PCDH9: variants seen among roughly 807,000 people sequenced by gnomAD.
PCDH9 encodes the protein protocadherin 9, also known as protocadherin-9.
A neutral mutation model predicts 70.6 loss-of-function variants in PCDH9; 24 were observed. The observed-to-expected ratio is 0.34, with a 90% CI of 0.25 to 0.48. The LOEUF (loss-of-function observed/expected upper bound fraction) is 0.48, where lower values mean the gene tolerates loss of function less well. PCDH9 is among the 20% of genes least tolerant of loss of function. The pLI is 0.99. For synonymous variants in PCDH9, 562 were observed against 558.5 expected (o/e 1.01, Z -0.09); for missense variants, 1,281 against 1,503.6 (o/e 0.85, Z 2.45).
At chr13:67,085,724 A>C (rs938219893) in intron 2 of PCDH9, among the ~76,000 whole-genome samples, 2 of 152,208 alleles carry the variant, frequency 1.3e-5, no homozygotes, top group African/African-American at 4.8e-5. Flanking sequence ...GCAATATTCC[A>C]ACAAACAATT....
intron 2 of PCDH9, among the ~76,000 whole-genome samples, chr13:67,081,489 A>G (rs2085982373): frequency 6.6e-6 from 1 of 152,086 alleles, no homozygotes; most frequent in African/African-American, 2.4e-5. Context: ...AATTGTTTGA[A>G]CCCAGGAGGC....
chr13:66,426,575 A>G lies in PCDH9; in HGVS notation c.3341-121547T>C, dbSNP rs562249918. On this transcript the variant is annotated intron_variant, in intron 4 of 4. Coordinates refer to ENST00000377865, the MANE Select transcript of PCDH9 (RefSeq NM_203487.3). The stretch of plus-strand genomic sequence containing the variant: ...TTCATATGTTAAGGTCTTATTATTC[A>G]CATAAAATATGTGGACACTAATATA... Among the ~76,000 whole-genome samples, 35 of 151,204 alleles carry G rather than the reference A, an allele frequency of 2.3e-4. No individual in the cohort carries two copies. The South Asian group carries it at 7.3e-3, about 31-fold the overall frequency.
intron 2 of PCDH9, among the ~76,000 whole-genome samples, chr13:67,155,920 G>T (rs1594587343): frequency 6.6e-6 from 1 of 152,022 alleles, no homozygotes. Flanking sequence ...AGCGTTTTTG[G>T]CTTGCTCTTC....
intron 2 of PCDH9, among the ~76,000 whole-genome samples, chr13:66,969,933 T>C (rs2083490928): frequency 6.6e-6 from 1 of 152,072 alleles, no homozygotes; most frequent in African/African-American, 2.4e-5. Flanking sequence ...TCAATCATAT[T>C]AATAACAACT....
At chr13:66,506,941 G>A (rs1238914331) in intron 4 of PCDH9, among the ~76,000 whole-genome samples, 1 of 152,226 alleles carries the variant, frequency 6.6e-6, no homozygotes, top group Non-Finnish European at 1.5e-5. Context: ...AACCTGGAAG[G>A]TTGTAACAAA....
At chr13:66,618,220 G>C (rs112034283) in intron 4 of PCDH9, among the ~76,000 whole-genome samples, 1,825 of 152,228 alleles carry the variant, frequency 0.012, 35 homozygotes, top group African/African-American at 0.041. Flanking sequence ...GTTTTGTGGC[G>C]GTGGGACAAA....
At chr13:66,720,959 A>T (rs1318415903) in intron 3 of PCDH9, among the ~76,000 whole-genome samples, 1 of 152,232 alleles carries the variant, frequency 6.6e-6, no homozygotes, top group Non-Finnish European at 1.5e-5. Context: ...TTAGTCCATT[A>T]CGTCTGTGCA....
chr13:67,163,263 A>G (rs1183763406), intron 2 of PCDH9, among the ~76,000 whole-genome samples: 1 of 152,232 alleles, frequency 6.6e-6, no homozygotes, highest in Non-Finnish European at 1.5e-5. Flanking sequence ...TTTCTCACTT[A>G]GTGGAGATGA....
At chr13:66,324,853 T>G (rs1955814776) in intron 4 of PCDH9, among the ~76,000 whole-genome samples, 1 of 152,016 alleles carries the variant, frequency 6.6e-6, no homozygotes, top group Admixed American at 6.5e-5. Context: ...TCACCAATAT[T>G]TTCATGTTGA....
intron 4 of PCDH9, among the ~76,000 whole-genome samples, chr13:66,346,542 C>G (rs1353636761): frequency 6.6e-6 from 1 of 152,188 alleles, no homozygotes; most frequent in Non-Finnish European, 1.5e-5. Context: ...TGAATCAATA[C>G]CAGAGTTTGC....
intron 3 of PCDH9, among the ~76,000 whole-genome samples, chr13:66,876,119 C>A (rs1479537063): frequency 1.3e-5 from 2 of 152,076 alleles, no homozygotes; most frequent in Non-Finnish European, 2.9e-5. Flanking sequence ...TGGGAATTAT[C>A]ACAATATTTA....
At chr13:66,560,631 A>C (rs969806906) in intron 4 of PCDH9, among the ~76,000 whole-genome samples, 1 of 152,190 alleles carries the variant, frequency 6.6e-6, no homozygotes, top group African/African-American at 2.4e-5. Context: ...ATAGTAGGTA[A>C]TTTTGTGAAT....
At chr13:66,343,329 A>G (rs1956161677) in intron 4 of PCDH9, among the ~76,000 whole-genome samples, 1 of 152,174 alleles carries the variant, frequency 6.6e-6, no homozygotes, top group Non-Finnish European at 1.5e-5. Context: ...AGAGTCTCGG[A>G]AATACAGAAT....
chr13:67,114,604 A>G (rs2086723726), intron 2 of PCDH9, among the ~76,000 whole-genome samples: 1 of 152,184 alleles, frequency 6.6e-6, no homozygotes, highest in African/African-American at 2.4e-5. Flanking sequence ...CATACTCTAT[A>G]AGGCAAAGTA....
intron 2 of PCDH9, among the ~76,000 whole-genome samples, chr13:67,037,799 A>G (rs1213746893): frequency 2.0e-5 from 3 of 152,188 alleles, no homozygotes; most frequent in African/African-American, 7.2e-5. Flanking sequence ...GTTCCATTTC[A>G]TAAATGAAAA....
At chr13:66,382,392 G>C (rs1956864295) in intron 4 of PCDH9, among the ~76,000 whole-genome samples, 1 of 151,744 alleles carries the variant, frequency 6.6e-6, no homozygotes, top group African/African-American at 2.4e-5. Context: ...AGGGTTGGTG[G>C]TTACTCAGAA....
chr13:67,094,722 G>T (rs548721574), intron 2 of PCDH9, among the ~76,000 whole-genome samples: 1 of 151,174 alleles, frequency 6.6e-6, no homozygotes, highest in South Asian at 2.1e-4. Flanking sequence ...TTTTTCAAAA[G>T]AAGTATAATG....
At chr13:66,576,930 T>G (rs1461502525) in intron 4 of PCDH9, among the ~76,000 whole-genome samples, 2 of 151,988 alleles carry the variant, frequency 1.3e-5, no homozygotes, top group Non-Finnish European at 2.9e-5. Flanking sequence ...TTCATATAAA[T>G]TTACACTAAA....
At chr13:66,597,923 C>A (rs1055511450) in intron 4 of PCDH9, among the ~76,000 whole-genome samples, 3 of 151,348 alleles carry the variant, frequency 2.0e-5, no homozygotes, top group Non-Finnish European at 3.0e-5. Context: ...ATAGACACTT[C>A]TCCAAAAAAA....
Sources: gnomAD v4.1 joint callset for allele counts (sites outside exome capture counted in the v4.1 genomes callset) on GRCh38, gnomAD v4.1.1 for gene constraint, MANE v1.5 for transcripts, NCBI Gene and HGNC (gene_info 2026-07-23, HGNC 2026-07-21) for gene names.